Variants in VPS13A observed in about 807,000 individuals in gnomAD.
The protein encoded by VPS13A is intermembrane lipid transfer protein VPS13A.
A neutral mutation model predicts 390.9 loss-of-function variants in VPS13A; 264 were observed. That is an observed-to-expected ratio of 0.68 (90% CI 0.61 to 0.75). The LOEUF is 0.75. Ranked by LOEUF, VPS13A falls within the 30% of genes least tolerant of loss-of-function variation. The pLI, the probability that VPS13A is intolerant of heterozygous loss-of-function variation, is 0.00. For synonymous variants in VPS13A, 1,231 were observed against 1,227.1 expected, an observed-to-expected ratio of 1.00 and a Z score of -0.07; for missense variants, 3,409 against 3,733.9, an observed-to-expected ratio of 0.91 and a Z score of 2.27.
intron 1 of VPS13A, among the ~76,000 whole-genome samples, chr9:77,190,096 C>T (rs758260444): frequency 6.6e-6 from 1 of 152,148 alleles, no homozygotes; most frequent in Non-Finnish European, 1.5e-5. Flanking sequence ...TTATTTCTTT[C>T]TCTTTCCTGA....
At chr9:77,397,827 A>G (rs1395373947) in intron 68 of VPS13A, among the ~76,000 whole-genome samples, 1 of 152,176 alleles carries the variant, frequency 6.6e-6, no homozygotes, top group Non-Finnish European at 1.5e-5. Flanking sequence ...TGCAGTTTCC[A>G]TTGTGTTTCT....
intron 24 of VPS13A, among the ~76,000 whole-genome samples, chr9:77,274,155 C>G (rs898381607): frequency 2.0e-5 from 3 of 152,060 alleles, no homozygotes; most frequent in Admixed American, 2.0e-4. Context: ...ACCAGCCAGG[C>G]GCAGTGGCTC....
At chr9:77,412,826 A>T (rs899278066) in intron 71 of VPS13A, among the ~76,000 whole-genome samples, 1 of 152,210 alleles carries the variant, frequency 6.6e-6, no homozygotes, top group Non-Finnish European at 1.5e-5. Context: ...TTTGCAGATG[A>T]CATGATTGTA....
In VPS13A at chr9:77,317,677, A is replaced by G. The variant is rs748811088; in HGVS notation, c.4935A>G (p.Ser1645=). The change falls in exon 40 of 72, where the codon TCA becomes TCG. Residue 1645 remains serine, a synonymous_variant. Coordinates refer to ENST00000360280, the MANE Select transcript of VPS13A (RefSeq NM_033305.3). ...CAGATCCACAAGTGATCGATATGTC[A>G]GTAAAATCCCTGACACTAAAGGTAA... ...KGTDPQVIDM[S]VKSLTLKVSP... 1.3e-6 allele frequency: 2 copies of G among 1,598,338 alleles called. No individual in the cohort carries two copies. Among genetic ancestry groups the G allele is most frequent in the South Asian group, 1.1e-5 (1 of 88,146 alleles).
chr9:77,369,531 G>A, intron 63 of VPS13A, 119 bp downstream of exon 63: 1 of 756,616 alleles, frequency 1.3e-6, no homozygotes, highest in South Asian at 1.5e-5. Flanking sequence ...CACACAAAAG[G>A]ACATCATTTT....
chr9:77,242,969 T>A (rs1203848289), intron 19 of VPS13A, among the ~76,000 whole-genome samples: 3 of 152,016 alleles, frequency 2.0e-5, no homozygotes, highest in African/African-American at 7.2e-5. Context: ...TGAAAAAAAA[T>A]GGAAAGCTTC....
intron 1 of VPS13A, among the ~76,000 whole-genome samples, chr9:77,197,469 T>G (rs1825070550): frequency 6.6e-6 from 1 of 152,238 alleles, no homozygotes; most frequent in Non-Finnish European, 1.5e-5. Flanking sequence ...TTTATAATTG[T>G]TACATCTTTT....
intron 68 of VPS13A, among the ~76,000 whole-genome samples, chr9:77,396,857 A>C (rs754110367): frequency 7.9e-5 from 12 of 152,212 alleles, no homozygotes; most frequent in Non-Finnish European, 1.8e-4. Flanking sequence ...TTTAAGTAGA[A>C]TCTATTCATA....
At chr9:77,281,825 C>G (rs778202256) in intron 27 of VPS13A, 42 bp from the exon 28 acceptor site, 20 of 1,357,960 alleles carry the variant, frequency 1.5e-5, no homozygotes, top group Non-Finnish European at 2.0e-5. Flanking sequence ...ATATGTATGT[C>G]TTCCTAACGT....
At chr9:77,197,233 T>A (rs1554857472) in intron 1 of VPS13A, among the ~76,000 whole-genome samples, 1 of 152,204 alleles carries the variant, frequency 6.6e-6, no homozygotes, top group Non-Finnish European at 1.5e-5. Flanking sequence ...AAATGTGTAT[T>A]CTGCTGTTGG....
chr9:77,398,671 T>C (rs1419718885), intron 68 of VPS13A, among the ~76,000 whole-genome samples: 1 of 152,160 alleles, frequency 6.6e-6, no homozygotes, highest in African/African-American at 2.4e-5. Context: ...CTTCTGTGGA[T>C]TCAGTTTGAA....
intron 71 of VPS13A, among the ~76,000 whole-genome samples, chr9:77,409,228 G>C (rs940137290): frequency 4.6e-5 from 7 of 152,194 alleles, no homozygotes; most frequent in Non-Finnish European, 7.3e-5. Flanking sequence ...ACCTGCAGCT[G>C]AGGGTCCTGA....
chr9:77,345,235 T>G, intron 52 of VPS13A, 93 bp downstream of exon 52: 1 of 1,327,356 alleles, frequency 7.5e-7, no homozygotes, highest in South Asian at 1.2e-5. Flanking sequence ...GTATAAACAC[T>G]GATAATAGCA....
intron 23 of VPS13A, among the ~76,000 whole-genome samples, chr9:77,268,281 G>A (rs779546635): frequency 6.6e-6 from 1 of 152,188 alleles, no homozygotes; most frequent in African/African-American, 2.4e-5. Context: ...GTTGGTGTAG[G>A]CACCCGAGGG....
intron 31 of VPS13A, among the ~76,000 whole-genome samples, chr9:77,289,134 G>A (rs913492418): frequency 6.6e-6 from 1 of 152,072 alleles, no homozygotes; most frequent in Non-Finnish European, 1.5e-5. Flanking sequence ...GTCTCACTGT[G>A]TTGCCCAGGG....
intron 1 of VPS13A, among the ~76,000 whole-genome samples, chr9:77,194,506 G>A (rs534830515): frequency 1.6e-4 from 24 of 152,240 alleles, no homozygotes; most frequent in African/African-American, 5.8e-4. Flanking sequence ...ATGCTCCACT[G>A]CAGCCATTCC....
At position 77,199,997 on chromosome 9, in the gene VPS13A, T is replaced by C; in HGVS notation, c.144+9T>C. On this transcript the variant is annotated intron_variant, in intron 2 of 71. Transcript: ENST00000360280. ...TTAAAGAAAATGCCCTGGTAGGTTT[T>C]GACTATGAAAAATTTGTAAAGTTAT... The C allele has an allele frequency of 6.2e-7, 1 of 1,605,592 alleles. No individual in the cohort carries two copies. Among genetic ancestry groups the C allele is most frequent in the South Asian group, 1.1e-5 (1 of 89,496 alleles).
chr9:77,205,259 C>T, intron 3 of VPS13A, 54 bp from the exon 4 acceptor site: 1 of 953,026 alleles, frequency 1.0e-6, no homozygotes, highest in Admixed American at 2.4e-5. Flanking sequence ...ACCATAAATG[C>T]AGGTTGAAGG....
rs1828467660 is a variant in VPS13A, at chr9:77,302,931, G to A, written c.3829G>A (p.Asp1277Asn). 1.2e-6 allele frequency: 2 copies of A among 1,613,298 alleles called. No homozygotes were observed. The highest frequency in any genetic ancestry group is 1.7e-6 in the Non-Finnish European group (2 of 1,179,572). The change falls in exon 34 of 72, where the codon GAT becomes AAT. Residue 1277 changes from aspartate (D) to asparagine (N), a missense_variant. Asp to Asn is a conservative substitution (Grantham distance 23, BLOSUM62 1). Coordinates refer to ENST00000360280, the MANE Select transcript of VPS13A (RefSeq NM_033305.3). ...TACTTATAGATCTCGATTTATTAATGATGCATACCAGGAAGTACTGGATCT... is the reference window on the plus strand; with the variant it reads ...TACTTATAGATCTCGATTTATTAATAATGCATACCAGGAAGTACTGGATCT... ...MRLYRSRFIN[D>N]AYQEVLDLLL...
Sources: allele counts gnomAD v4.1 joint callset (sites outside exome capture counted in the v4.1 genomes callset), GRCh38; gene constraint gnomAD v4.1.1; transcripts MANE v1.5; gene names NCBI Gene and HGNC (gene_info 2026-07-23, HGNC 2026-07-21).